The following PDIA5 variants were observed in gnomAD, a reference collection of about 807,000 sequenced individuals.
The protein encoded by PDIA5 is protein disulfide isomerase family A member 5.
A neutral mutation model predicts 77.6 loss-of-function variants in PDIA5; 58 were observed. That is an observed-to-expected ratio of 0.75 (90% CI 0.61 to 0.93). PDIA5 has a LOEUF of 0.93. Among genes scored for constraint, PDIA5 ranks in the 40% least tolerant of loss-of-function variants. The pLI is 0.00. For missense variants in PDIA5, 630 were observed against 647.7 expected (o/e 0.97, Z 0.30); for synonymous variants, 250 against 252.1 (o/e 0.99, Z 0.08).
chr3:123,078,295 A>G (rs1293838888), intron 1 of PDIA5, among the ~76,000 whole-genome samples: 1 of 152,186 alleles, frequency 6.6e-6, no homozygotes, highest in African/African-American at 2.4e-5. Flanking sequence ...TAAGCACTGC[A>G]CGTACGTGGG....
intron 8 of PDIA5, 55 bp downstream of exon 8, chr3:123,116,353 G>GTTGT: frequency 7.4e-7 from 1 of 1,357,640 alleles, no homozygotes; most frequent in Non-Finnish European, 1.0e-6. Flanking sequence ...CTTGGCGGAG[G>GTTGT]AAGGGTGCCA....
intron 16 of PDIA5, 33 bp from the exon 17 acceptor site, chr3:123,161,847 C>G (rs1448864861): frequency 7.2e-7 from 1 of 1,391,820 alleles, no homozygotes; most frequent in African/African-American, 1.4e-5. Flanking sequence ...GATTAAAGCT[C>G]TTTCTCTCTC....
At chr3:123,094,174 A>G (rs928769714) in intron 3 of PDIA5, among the ~76,000 whole-genome samples, 1 of 152,276 alleles carries the variant, frequency 6.6e-6, no homozygotes, top group African/African-American at 2.4e-5. Flanking sequence ...AGTTAACCTT[A>G]AGACAGAAGG....
chr3:123,113,262 T>G (rs1329480908), intron 7 of PDIA5, among the ~76,000 whole-genome samples: 1 of 152,190 alleles, frequency 6.6e-6, no homozygotes, highest in Non-Finnish European at 1.5e-5. Flanking sequence ...CATCCGGGTG[T>G]AACCAGGCAG....
intron 16 of PDIA5, 49 bp downstream of exon 16, chr3:123,161,504 C>T: frequency 6.3e-7 from 1 of 1,586,670 alleles, no homozygotes; most frequent in South Asian, 1.1e-5. Flanking sequence ...TGCTGATGGG[C>T]AGGGAAACTT....
intron 1 of PDIA5, among the ~76,000 whole-genome samples, chr3:123,072,912 C>CTGTGTGTGTGTGTGTGTGTGTGTTTG (rs1933760679): frequency 6.8e-6 from 1 of 146,824 alleles, no homozygotes; most frequent in African/African-American, 2.6e-5. Context: ...ACCTCTCCTT[C>CTGTGTGTGTGTGTGTGTGTGTGTTTG]TGTGTGTGTG....
intron 8 of PDIA5, among the ~76,000 whole-genome samples, chr3:123,118,623 T>A (rs1033973204): frequency 3.3e-5 from 5 of 152,200 alleles, no homozygotes; most frequent in African/African-American, 1.2e-4. Flanking sequence ...CCAGATACGT[T>A]CATCTTTGCT....
intron 10 of PDIA5, among the ~76,000 whole-genome samples, chr3:123,127,470 G>T (rs137863103): frequency 3.3e-5 from 5 of 152,188 alleles, no homozygotes; most frequent in Non-Finnish European, 7.3e-5. Context: ...ATCCATTCTC[G>T]GCCTATATGA....
At chr3:123,131,999 T>G (rs1263023302) in intron 11 of PDIA5, among the ~76,000 whole-genome samples, 1 of 152,060 alleles carries the variant, frequency 6.6e-6, no homozygotes, top group African/African-American at 2.4e-5. Context: ...CAGGAGGAAA[T>G]GTTATTACTC....
Position 123,150,342 on chromosome 3 carries a change from C to G in PDIA5, c.1251C>G (p.Thr417=). Residue 417 remains threonine (T), a synonymous_variant, in exon 14 of 17, where the codon ACC becomes ACG. Coordinates refer to ENST00000316218, the MANE Select transcript of PDIA5 (RefSeq NM_006810.4). ...FRETLKKKKH[T]LVMFYAPWCP... is the part of the protein sequence containing the mutation. ...AGACCCTGAAGAAGAAGAAACACAC[C>G]TTGGTCATGTTCTACGCCCCTTGTA... 1 of 1,613,948 alleles carries G rather than the reference C, an allele frequency of 6.2e-7. No homozygotes were observed. Among genetic ancestry groups the G allele is most frequent in the Non-Finnish European group, 8.5e-7 (1 of 1,179,924 alleles).
At chr3:123,071,207 G>A (rs1186100255) in intron 1 of PDIA5, among the ~76,000 whole-genome samples, 1 of 152,058 alleles carries the variant, frequency 6.6e-6, no homozygotes, top group African/African-American at 2.4e-5. Context: ...TCCTTTTATA[G>A]GAGAATAGCG....
intron 11 of PDIA5, among the ~76,000 whole-genome samples, chr3:123,142,699 C>A (rs970303935): frequency 6.6e-6 from 1 of 152,232 alleles, no homozygotes; most frequent in Non-Finnish European, 1.5e-5. Flanking sequence ...TCTTGCCCAG[C>A]CCAGGGGCAG....
intron 3 of PDIA5, among the ~76,000 whole-genome samples, chr3:123,101,906 C>T (rs370986452): frequency 7.4e-4 from 53 of 71,382 alleles, no homozygotes; most frequent in Admixed American, 1.8e-3. Context: ...TTCTTTCTTG[C>T]TTTTTTTTTT....
rs750183673 is a variant in PDIA5 at position 123,106,789 on chromosome 3, T to A, written c.428T>A (p.Leu143Gln). The change falls in exon 6 of 17, where the codon CTG becomes CAG. Residue 143 changes from leucine to glutamine, a missense_variant. Physicochemically the swap from Leu to Gln is moderately radical, Grantham distance 113. Coordinates refer to ENST00000316218, the MANE Select transcript of PDIA5 (RefSeq NM_006810.4). ...AFLKDPKGPP[L>Q]WEEDPGAKDV... Reference sequence around the variant, plus strand: ...TTGAAGGATCCAAAAGGGCCCCCACTGTGGGAGGAAGATCCTGGAGCCAAA... The same window carrying A: ...TTGAAGGATCCAAAAGGGCCCCCACAGTGGGAGGAAGATCCTGGAGCCAAA... The A allele has an allele frequency of 3.7e-6, 6 of 1,613,030 alleles. No homozygotes were observed. The Admixed American group carries it at 8.3e-5, about 22-fold the overall frequency.
At chr3:123,115,631 C>T (rs149942266) in intron 7 of PDIA5, among the ~76,000 whole-genome samples, 44 of 152,150 alleles carry the variant, frequency 2.9e-4, no homozygotes, top group South Asian at 4.1e-4. Flanking sequence ...GATCAGAGTC[C>T]GCATGGCATC....
chr3:123,069,601 T>C (rs1379518237), intron 1 of PDIA5, among the ~76,000 whole-genome samples: 2 of 152,180 alleles, frequency 1.3e-5, no homozygotes, highest in Non-Finnish European at 2.9e-5. Flanking sequence ...CAGAAGACTC[T>C]TGACTTCTCA....
At chr3:123,087,469 G>A (rs1406059699) in intron 1 of PDIA5, among the ~76,000 whole-genome samples, 2 of 138,016 alleles carry the variant, frequency 1.4e-5, no homozygotes, top group African/African-American at 5.6e-5. Context: ...TTTTCTAGGA[G>A]ATTTTTTTTT....
chr3:123,071,659 C>G (rs1933726083), intron 1 of PDIA5, among the ~76,000 whole-genome samples: 1 of 152,158 alleles, frequency 6.6e-6, no homozygotes, highest in African/African-American at 2.4e-5. Flanking sequence ...AGTGGCAGCC[C>G]CTGTGTGCTG....
At chr3:123,151,244 A>T (rs1935886128) in intron 14 of PDIA5, among the ~76,000 whole-genome samples, 1 of 152,140 alleles carries the variant, frequency 6.6e-6, no homozygotes, top group Non-Finnish European at 1.5e-5. Context: ...TCCTTCTCAG[A>T]GTGGGACTTG....
Sources: gnomAD v4.1 joint callset for allele counts (sites outside exome capture counted in the v4.1 genomes callset) on GRCh38, gnomAD v4.1.1 for gene constraint, MANE v1.5 for transcripts, NCBI Gene and HGNC (gene_info 2026-07-23, HGNC 2026-07-21) for gene names.